The following OR51B5 variants were observed in gnomAD, a reference collection of about 807,000 sequenced individuals.
OR51B5 encodes olfactory receptor 51B5.
For synonymous variants in OR51B5, 186 were observed against 144.8 expected, an observed-to-expected ratio of 1.28 and a Z score of -2.04; for missense variants, 456 against 374.6, an observed-to-expected ratio of 1.22 and a Z score of -1.79.
At chr11:5,356,248 T>C (rs1849193295) in intron 1 of OR51B5, among the ~76,000 whole-genome samples, 1 of 151,934 alleles carries the variant, frequency 6.6e-6, no homozygotes, top group Non-Finnish European at 1.5e-5. Flanking sequence ...GACTAATGGC[T>C]AACTAGAATA....
At chr11:5,474,205 T>C (rs1024433381) in intron 1 of OR51B5, among the ~76,000 whole-genome samples, 6 of 152,160 alleles carry the variant, frequency 3.9e-5, no homozygotes, top group Non-Finnish European at 8.8e-5. Flanking sequence ...TCACCTTTTG[T>C]AGATGAAATA....
chr11:5,423,294 T>A, intron 1 of OR51B5: 1 of 1,158,444 alleles, frequency 8.6e-7, no homozygotes, highest in Non-Finnish European at 1.2e-6. Flanking sequence ...TAGCATGGAA[T>A]TTTTGGCTGA....
At chr11:5,503,842 C>G (rs1279371739) in intron 1 of OR51B5, among the ~76,000 whole-genome samples, 2 of 152,036 alleles carry the variant, frequency 1.3e-5, no homozygotes, top group African/African-American at 2.4e-5. Context: ...AGGATTAAAG[C>G]ATAAATTAAA....
At chr11:5,483,255 G>C (rs1851450709) in intron 1 of OR51B5, among the ~76,000 whole-genome samples, 1 of 144,208 alleles carries the variant, frequency 6.9e-6, no homozygotes. Flanking sequence ...ACTATTGCAA[G>C]AACAAAAAAC....
chr11:5,457,064 C>T (rs1313240466), intron 1 of OR51B5, among the ~76,000 whole-genome samples: 1 of 152,160 alleles, frequency 6.6e-6, no homozygotes, highest in Non-Finnish European at 1.5e-5. Context: ...TATTTCTTTA[C>T]AGCAATGTGA....
At chr11:5,463,374 A>T (rs1366967625) in intron 1 of OR51B5, among the ~76,000 whole-genome samples, 1 of 152,224 alleles carries the variant, frequency 6.6e-6, no homozygotes, top group African/African-American at 2.4e-5. Context: ...GGCTTTATTA[A>T]AGGTATGGAT....
chr11:5,430,986 G>C (rs1041157218), intron 1 of OR51B5: 7 of 456,992 alleles, frequency 1.5e-5, no homozygotes, highest in Non-Finnish European at 2.6e-5. Context: ...CGAAATTTGC[G>C]AGAACAATGG....
intron 1 of OR51B5, among the ~76,000 whole-genome samples, chr11:5,398,579 G>A (rs552926149): frequency 6.6e-6 from 1 of 152,280 alleles, no homozygotes; most frequent in East Asian, 1.9e-4. Context: ...CCCTGATATG[G>A]CTTGGCTCTG....
chr11:5,382,603 G>A (rs879565079), intron 1 of OR51B5, among the ~76,000 whole-genome samples: 4 of 152,146 alleles, frequency 2.6e-5, no homozygotes, highest in Non-Finnish European at 4.4e-5. Flanking sequence ...AGGATTTTCT[G>A]AAATTTTTCT....
chr11:5,365,955 C>A (rs1849358142), intron 1 of OR51B5, among the ~76,000 whole-genome samples: 1 of 152,118 alleles, frequency 6.6e-6, no homozygotes, highest in African/African-American at 2.4e-5. Flanking sequence ...GCATGATCAC[C>A]AGCACTGAGA....
chr11:5,390,292 G>A, intron 1 of OR51B5: 2 of 1,613,846 alleles, frequency 1.2e-6, no homozygotes, highest in Non-Finnish European at 1.7e-6. Flanking sequence ...TGCCTCCCAT[G>A]CTTAACCCAA....
chr11:5,454,481 G>T lies in OR51B5; in HGVS notation n.84+51088C>A. 3 of 1,355,520 alleles carry T rather than the reference G, an allele frequency of 2.2e-6. No individual in the cohort carries two copies. In the South Asian group the frequency reaches 3.9e-5, roughly 18 times the overall value. The allele number at this position is 1,355,520 out of a possible 1,614,324, so 84.0% of individuals were successfully genotyped here. ...TTTTGGCCATAGGCTCTCATCAGTA[G>T]CATCGTCATCATCATCATCAAAGTA... is the stretch of plus-strand genomic sequence containing the variant. On this transcript the variant is annotated intron_variant and non_coding_transcript_variant, in intron 1 of 4. Transcript: ENST00000415970.
chr11:5,493,411 A>G (rs1851605836), intron 1 of OR51B5, among the ~76,000 whole-genome samples: 1 of 152,194 alleles, frequency 6.6e-6, no homozygotes, highest in African/African-American at 2.4e-5. Flanking sequence ...TACCATTCTA[A>G]AAAGACATTA....
chr11:5,458,474 A>T (rs1270606047), intron 1 of OR51B5, among the ~76,000 whole-genome samples: 4 of 152,170 alleles, frequency 2.6e-5, no homozygotes, highest in African/African-American at 9.7e-5. Context: ...GAATTTTAGA[A>T]TAGTTTCCCT....
chr11:5,368,439 T>C (rs1849405388), intron 1 of OR51B5, among the ~76,000 whole-genome samples: 1 of 148,482 alleles, frequency 6.7e-6, no homozygotes, highest in African/African-American at 2.5e-5. Flanking sequence ...GCCTGGTCCA[T>C]TGTAAGTATT....
chr11:5,435,286 T>C (rs1411895185), intron 1 of OR51B5, among the ~76,000 whole-genome samples: 1 of 152,196 alleles, frequency 6.6e-6, no homozygotes, highest in Non-Finnish European at 1.5e-5. Context: ...CTCACATTGG[T>C]CTTAAACGTG....
At chr11:5,371,308 A>G (rs938687351) in intron 1 of OR51B5, among the ~76,000 whole-genome samples, 2 of 152,142 alleles carry the variant, frequency 1.3e-5, no homozygotes, top group African/African-American at 2.4e-5. Context: ...CAGAAGTTCA[A>G]AAAAATTGAA....
chr11:5,376,428 CA>C (rs1434611385), intron 1 of OR51B5, among the ~76,000 whole-genome samples: 2 of 152,000 alleles, frequency 1.3e-5, no homozygotes, highest in Non-Finnish European at 2.9e-5. Context: ...CAAACACATT[CA>C]AAAGCTAGCA....
chr11:5,347,917 C>T (rs1040539946), upstream of OR51B5, among the ~76,000 whole-genome samples: 2 of 151,976 alleles, frequency 1.3e-5, no homozygotes, highest in African/African-American at 4.8e-5. Context: ...AAAGATGATG[C>T]CCAAATCTTT....
Sources: gnomAD v4.1 joint callset for allele counts (sites outside exome capture counted in the v4.1 genomes callset) on GRCh38, gnomAD v4.1.1 for gene constraint, MANE v1.5 for transcripts, NCBI Gene and HGNC (gene_info 2026-07-23, HGNC 2026-07-21) for gene names.